The following SETD2 variants were observed in gnomAD, a reference collection of about 807,000 sequenced individuals.
SETD2 encodes histone-lysine N-methyltransferase SETD2.
A neutral mutation model predicts 242.1 loss-of-function variants in SETD2; 31 were observed. The observed-to-expected ratio is 0.13, with a 90% CI of 0.10 to 0.17. The LOEUF is 0.17. SETD2 is among the 10% of genes least tolerant of loss of function. The pLI is 1.00. For missense variants in SETD2, 2,481 were observed against 3,046.3 expected, an observed-to-expected ratio of 0.81 and a Z score of 4.37; for synonymous variants, 1,006 against 1,066.5, an observed-to-expected ratio of 0.94 and a Z score of 1.11.
chr3:47,020,852 G>A (rs2038186686), intron 18 of SETD2, among the ~76,000 whole-genome samples: 1 of 152,148 alleles, frequency 6.6e-6, no homozygotes. Context: ...ACAGTATGAA[G>A]GCTCTGGTTC....
intron 5 of SETD2, among the ~76,000 whole-genome samples, chr3:47,107,510 A>C (rs1338628555): frequency 6.6e-6 from 1 of 152,192 alleles, no homozygotes; most frequent in African/African-American, 2.4e-5. Flanking sequence ...TTAGGTCTCA[A>C]TAATAAAAAT....
intron 7 of SETD2, 39 bp from the exon 8 acceptor site, chr3:47,101,594 A>AGTGTGTGTG (rs1559720509): frequency 9.7e-7 from 1 of 1,028,876 alleles, no homozygotes; most frequent in Non-Finnish European, 1.5e-6. Context: ...TTAGTAACTT[A>AGTGTGTGTG]TTAGTGTGTG....
At chr3:47,095,469 C>T (rs2041971024) in intron 9 of SETD2, among the ~76,000 whole-genome samples, 1 of 152,138 alleles carries the variant, frequency 6.6e-6, no homozygotes, top group Non-Finnish European at 1.5e-5. Context: ...TTTAGGTCAA[C>T]ATGTTTAATA....
In SETD2 at chr3:47,120,374, A is replaced by G. The variant is rs587778677; in HGVS notation, c.4262T>C (p.Leu1421Pro). 2.5e-5 allele frequency: 41 copies of G among 1,612,794 alleles called. No homozygotes were observed. The South Asian group carries it at 3.7e-4, about 15-fold the overall frequency. ...IESDSESDGE[L>P]QDRKKVRVEV... is the part of the protein sequence containing the mutation. Reference sequence around the variant, plus strand: ...CACTCTAACTTTCTTTCTGTCCTGAAGCTCACCATCACTTTCAGAATCACT... The same window carrying G: ...CACTCTAACTTTCTTTCTGTCCTGAGGCTCACCATCACTTTCAGAATCACT... The change falls in exon 3 of 21, where the codon CTT becomes CCT. Residue 1421 changes from leucine (L) to proline (P), a missense_variant. By Grantham distance (98) the Leu-to-Pro change is moderately conservative. Coordinates refer to ENST00000409792, the MANE Select transcript of SETD2 (RefSeq NM_014159.7).
At chr3:47,037,003 A>G (rs2039030117) in intron 18 of SETD2, among the ~76,000 whole-genome samples, 1 of 148,924 alleles carries the variant, frequency 6.7e-6, no homozygotes, top group Non-Finnish European at 1.5e-5. Flanking sequence ...TATCTCCCTC[A>G]AATGAGTAAG....
At chr3:47,098,499 C>T (rs1002432306) in intron 8 of SETD2, 1 of 154,850 alleles carries the variant, frequency 6.5e-6, no homozygotes, top group African/African-American at 2.4e-5. Context: ...ATGATTAATA[C>T]AGGATACTTA....
intron 18 of SETD2, among the ~76,000 whole-genome samples, chr3:47,028,521 A>C (rs2038611099): frequency 6.6e-6 from 1 of 152,202 alleles, no homozygotes; most frequent in Non-Finnish European, 1.5e-5. Flanking sequence ...TCAACCCGAC[A>C]AAGATTAAGA....
chr3:47,076,560 A>G (rs1270843653), intron 12 of SETD2, among the ~76,000 whole-genome samples: 1 of 152,250 alleles, frequency 6.6e-6, no homozygotes, highest in Non-Finnish European at 1.5e-5. Flanking sequence ...CTCTTACTAC[A>G]AAGATTAAAA....
Position 47,121,172 on chromosome 3 carries a change from T to A in SETD2, c.3464A>T (p.Asn1155Ile), listed in dbSNP as rs1575812291. 1.2e-6 allele frequency: 2 copies of A among 1,613,948 alleles called. No homozygotes were observed. Among genetic ancestry groups the A allele is most frequent in the African/African-American group, 2.7e-5 (2 of 74,922 alleles). Reference sequence around the variant, plus strand: ...AGGATGAGAAAGTTCAGGCAGGCGATTATCTATTTGTTTTCTACTGGACTG... The same window carrying A: ...AGGATGAGAAAGTTCAGGCAGGCGAATATCTATTTGTTTTCTACTGGACTG... ...FTQSSRKQIDNRLPELSHPQS... is the reference protein window; with the variant it reads ...FTQSSRKQIDIRLPELSHPQS... The change falls in exon 3 of 21, where the codon AAT becomes ATT. Residue 1155 changes from asparagine to isoleucine, a missense_variant. Asn to Ile is a moderately radical substitution (Grantham distance 149). Transcript: ENST00000409792.
intron 1 of SETD2, among the ~76,000 whole-genome samples, chr3:47,138,047 C>T (rs948068726): frequency 2.6e-5 from 4 of 151,898 alleles, no homozygotes; most frequent in African/African-American, 9.7e-5. Flanking sequence ...TCTCGGCTCA[C>T]TGCAAGCTCC....
At chr3:47,088,299 A>AAAACC in intron 9 of SETD2, 52 bp from the exon 10 acceptor site, 1 of 1,554,002 alleles carries the variant, frequency 6.4e-7, no homozygotes, top group Non-Finnish European at 8.6e-7. Flanking sequence ...AACAAAAAAA[A>AAAACC]AAACCAAAAA....
rs114339036 is a variant in SETD2, at chr3:47,018,933, T to G, written c.7431+827A>C. Among the ~76,000 whole-genome samples, 666 of 152,318 alleles carry G rather than the reference T, an allele frequency of 4.4e-3. 8 individuals carry two copies. Among genetic ancestry groups the G allele is most frequent in the African/African-American group, 0.015 (634 of 41,570 alleles). On this transcript the variant is annotated intron_variant, in intron 19 of 20. Transcript: ENST00000409792. ...GATCCATCTGGCCAATTCCTACCCC[T>G]GATTCAAGCGCCCTTCCTGACTGCC...
chr3:47,060,719 A>C (rs572261225), intron 14 of SETD2, among the ~76,000 whole-genome samples: 1 of 152,324 alleles, frequency 6.6e-6, no homozygotes, highest in South Asian at 2.1e-4. Flanking sequence ...AAAAACCATA[A>C]AGAAAACATA....
In SETD2 at chr3:47,056,094, T is replaced by TA. The variant is rs1553683658; in HGVS notation, c.6963+726_6963+727insT. ...AAAAAAAAAGAAAAGAAAACATGAT[T>TA]TTTATTTATTTATTTATTTATTTAT... is the stretch of plus-strand genomic sequence containing the variant. On this transcript the variant is annotated intron_variant, in intron 15 of 20. Coordinates refer to ENST00000409792, the MANE Select transcript of SETD2 (RefSeq NM_014159.7). 1.1e-3 allele frequency among the ~76,000 whole-genome samples: 133 copies of TA among 116,422 alleles called. 2 individuals carry two copies. In the East Asian group the frequency reaches 0.022, roughly 19 times the overall value. 76.4% of individuals were successfully genotyped at this position (116,422 alleles called of 152,430 possible).
rs781008481 is a variant in SETD2 at position 47,123,217 on chromosome 3, G to C, written c.1419C>G (p.Thr473=). The C allele has an allele frequency of 1.9e-6, 3 of 1,569,140 alleles. No homozygotes were observed. Among genetic ancestry groups the C allele is most frequent in the Non-Finnish European group, 8.7e-7 (1 of 1,154,908 alleles). The change falls in exon 3 of 21, where the codon ACC becomes ACG. Residue 473 remains threonine, a synonymous_variant. Transcript: ENST00000409792. ...CTCTGTAAGAAGAGGAATGAGATGA[G>C]GTACGCCTTGAGTATGTCTTCTTAT... ...EEYKKTYSRR[T]SSHSSSYRDL... is the part of the protein sequence containing the mutation.
chr3:47,079,876 A>C (rs1419241032), intron 12 of SETD2, among the ~76,000 whole-genome samples: 2 of 152,222 alleles, frequency 1.3e-5, no homozygotes, highest in Non-Finnish European at 2.9e-5. Context: ...CAAACGAGAC[A>C]TTTATTTAAA....
At chr3:47,162,521 T>C (rs1175303575) in intron 1 of SETD2, among the ~76,000 whole-genome samples, 1 of 152,240 alleles carries the variant, frequency 6.6e-6, no homozygotes, top group Admixed American at 6.5e-5. Context: ...ATGATTTATC[T>C]TGTTGTGCAG....
intron 1 of SETD2, among the ~76,000 whole-genome samples, chr3:47,156,742 AT>A (rs2044135319): frequency 6.6e-6 from 1 of 152,176 alleles, no homozygotes; most frequent in African/African-American, 2.4e-5. Context: ...TCAACTGTCT[AT>A]AAAGCTACTA....
chr3:47,077,390 C>T (rs2041135284), intron 12 of SETD2, among the ~76,000 whole-genome samples: 1 of 151,954 alleles, frequency 6.6e-6, no homozygotes, highest in East Asian at 1.9e-4. Flanking sequence ...GCCTGCTGTG[C>T]CCTATTTAAC....
Sources: allele counts gnomAD v4.1 joint callset (sites outside exome capture counted in the v4.1 genomes callset), GRCh38; gene constraint gnomAD v4.1.1; transcripts MANE v1.5; gene names NCBI Gene and HGNC (gene_info 2026-07-23, HGNC 2026-07-21).